PRKN: variants seen among roughly 807,000 people sequenced by gnomAD.
PRKN encodes parkin RBR E3 ubiquitin protein ligase.
In PRKN, 56 loss-of-function variants were observed where a neutral mutation model predicts 59.5. That is an observed-to-expected ratio of 0.94 (90% CI 0.76 to 1.18). PRKN has a LOEUF of 1.18. Ranked by LOEUF, PRKN falls within the 50% of genes most tolerant of loss-of-function variation. The probability of loss-of-function intolerance (pLI) is 0.00; values close to 1 mark genes in which losing one functional copy is unlikely to be tolerated. For missense variants in PRKN, 657 were observed against 596.4 expected (o/e 1.10, Z -1.06); for synonymous variants, 250 against 222.1 (o/e 1.13, Z -1.12).
chr6:162,168,119 T>G (rs1314629695), intron 4 of PRKN, among the ~76,000 whole-genome samples: 1 of 152,162 alleles, frequency 6.6e-6, no homozygotes, highest in Non-Finnish European at 1.5e-5. Context: ...ATAAGTCAAA[T>G]TATAGTACCA....
chr6:161,737,911 C>T lies in PRKN; in HGVS notation c.871+47861G>A, dbSNP rs16892979. 9.8e-3 allele frequency among the ~76,000 whole-genome samples: 1,492 copies of T among 152,276 alleles called. 26 individuals are homozygous for T. Among genetic ancestry groups the T allele is most frequent in the African/African-American group, 0.032 (1,347 of 41,534 alleles). On this transcript the variant is annotated intron_variant, in intron 7 of 11. Coordinates refer to ENST00000366898, the MANE Select transcript of PRKN (RefSeq NM_004562.3). ...ATCCAGCGTATCACATATTACATCC[C>T]GTTTAACTCACTGAACCACTATTAC...
At chr6:162,012,170 A>C (rs1782753516) in intron 5 of PRKN, among the ~76,000 whole-genome samples, 1 of 152,232 alleles carries the variant, frequency 6.6e-6, no homozygotes, top group South Asian at 2.1e-4. Context: ...GCCAAAGCCC[A>C]TATTTGATTT....
At position 161,968,187 on chromosome 6, in the gene PRKN, ATTTTT is replaced by A. The variant is rs530441181; in HGVS notation, c.734+5110_734+5114del. On this transcript the variant is annotated intron_variant, in intron 6 of 11. Transcript: ENST00000366898. ...AGGCGCGCGCCACCATGCCTGGCTA[ATTTTT>A]TTTTTTTTTTTTTTTTTGTATTATT... Among the ~76,000 whole-genome samples the A allele has an allele frequency of 3.5e-3, 453 of 127,944 alleles. 1 individual carries two copies. The highest frequency in any genetic ancestry group is 4.3e-3 in the African/African-American group (142 of 33,382). 83.9% of individuals were successfully genotyped at this position (127,944 alleles called of 152,430 possible).
intron 5 of PRKN, among the ~76,000 whole-genome samples, chr6:162,046,706 G>A (rs1784263206): frequency 6.6e-6 from 1 of 152,130 alleles, no homozygotes. Context: ...AAAGAGCCCT[G>A]ATGAAAAAGA....
intron 1 of PRKN, among the ~76,000 whole-genome samples, chr6:162,633,931 A>T (rs1024377467): frequency 1.3e-5 from 2 of 152,182 alleles, no homozygotes; most frequent in Non-Finnish European, 2.9e-5. Flanking sequence ...CTTCTAAATA[A>T]TTAGAAGTGG....
chr6:161,896,658 T>C (rs890556622), intron 6 of PRKN, among the ~76,000 whole-genome samples: 5 of 152,170 alleles, frequency 3.3e-5, no homozygotes, highest in Admixed American at 6.5e-5. Context: ...GGGGAGGTGA[T>C]GTATGCTTAT....
chr6:162,165,599 C>T (rs886184798), intron 4 of PRKN, among the ~76,000 whole-genome samples: 1 of 149,594 alleles, frequency 6.7e-6, no homozygotes, highest in Non-Finnish European at 1.5e-5. Context: ...TGCCAGTGCA[C>T]AGGCACCAGA....
intron 7 of PRKN, among the ~76,000 whole-genome samples, chr6:161,757,835 C>T (rs1409562859): frequency 1.4e-5 from 1 of 70,830 alleles, no homozygotes; most frequent in African/African-American, 7.6e-5. Context: ...AAAACTCCAT[C>T]TCTCTCTCTC....
intron 6 of PRKN, among the ~76,000 whole-genome samples, chr6:161,787,072 T>C (rs1017941016): frequency 1.3e-5 from 2 of 152,202 alleles, no homozygotes; most frequent in African/African-American, 4.8e-5. Context: ...CTATTTCCTA[T>C]GTAATTGTAA....
At chr6:161,816,201 C>T (rs1791773151) in intron 6 of PRKN, among the ~76,000 whole-genome samples, 1 of 152,106 alleles carries the variant, frequency 6.6e-6, no homozygotes, top group Non-Finnish European at 1.5e-5. Context: ...ACATATGCAG[C>T]AGCATGCGTG....
At chr6:161,504,719 C>T (rs1341538021) in intron 9 of PRKN, among the ~76,000 whole-genome samples, 1 of 145,298 alleles carries the variant, frequency 6.9e-6, no homozygotes, top group Non-Finnish European at 1.5e-5. Flanking sequence ...GTTCCCCCTC[C>T]TGTGTCCATG....
At chr6:161,455,359 C>G (rs1002020342) in intron 9 of PRKN, among the ~76,000 whole-genome samples, 1 of 152,182 alleles carries the variant, frequency 6.6e-6, no homozygotes, top group Middle Eastern at 3.4e-3. Context: ...TTCTAAACAC[C>G]CAGCACAATG....
chr6:162,688,226 A>G (rs1319808615), intron 1 of PRKN, among the ~76,000 whole-genome samples: 6 of 152,228 alleles, frequency 3.9e-5, no homozygotes. Context: ...TTCCATCTAT[A>G]TAACGTTCAA....
Position 162,390,396 on chromosome 6 carries a change from T to TATATATATATATATATATACAC in PRKN, c.171+52913_171+52914insGTGTATATATATATATATATAT, listed in dbSNP as rs1180636201. ...TAAGGTATATATATATATATATATA[T>TATATATATATATATATATACAC]ACACACACACACACACACACACACA... is the stretch of plus-strand genomic sequence containing the variant. On this transcript the variant is annotated intron_variant, in intron 2 of 11. Coordinates refer to ENST00000366898, the MANE Select transcript of PRKN (RefSeq NM_004562.3). Among the ~76,000 whole-genome samples the TATATATATATATATATATACAC allele has an allele frequency of 3.2e-3, 271 of 83,952 alleles. 1 individual carries two copies. Among genetic ancestry groups the TATATATATATATATATATACAC allele is most frequent in the Non-Finnish European group, 3.7e-3 (155 of 41,404 alleles). The allele number at this position is 83,952 out of a possible 152,430, so 55.1% of individuals were successfully genotyped here.
intron 4 of PRKN, among the ~76,000 whole-genome samples, chr6:162,183,445 A>G (rs1249282649): frequency 6.6e-6 from 1 of 152,116 alleles, no homozygotes; most frequent in Non-Finnish European, 1.5e-5. Context: ...AAGGTGAAGG[A>G]GATGTCCTTG....
At position 161,792,336 on chromosome 6, in the gene PRKN, A is replaced by G. The variant is rs376592093; in HGVS notation, c.735-6428T>C. ...AGACCAGAAAAGAATTCATGAATGT[A>G]GGGGCATTTGAAAAACGGTCAGGAT... On this transcript the variant is annotated intron_variant, in intron 6 of 11. Coordinates refer to ENST00000366898, the MANE Select transcript of PRKN (RefSeq NM_004562.3). Among the ~76,000 whole-genome samples, 24 of 152,338 alleles carry G rather than the reference A, an allele frequency of 1.6e-4. No individual in the cohort carries two copies. In the East Asian group the frequency reaches 4.0e-3, roughly 26 times the overall value.
chr6:162,547,895 A>C (rs1164368592), intron 1 of PRKN, among the ~76,000 whole-genome samples: 1 of 150,134 alleles, frequency 6.7e-6, no homozygotes, highest in Admixed American at 6.6e-5. Flanking sequence ...AGTTATTAAC[A>C]GGGCCAAGAT....
chr6:161,864,096 T>C (rs180881055), intron 6 of PRKN, among the ~76,000 whole-genome samples: 42 of 152,262 alleles, frequency 2.8e-4, no homozygotes, highest in African/African-American at 9.4e-4. Context: ...TTCCATACAA[T>C]AAAACGAAGA....
intron 6 of PRKN, among the ~76,000 whole-genome samples, chr6:161,907,535 A>G (rs1431313241): frequency 6.6e-6 from 1 of 152,148 alleles, no homozygotes; most frequent in East Asian, 1.9e-4. Flanking sequence ...TGTCTTATTT[A>G]TGTTCAAGTT....
Sources: allele counts gnomAD v4.1 joint callset (sites outside exome capture counted in the v4.1 genomes callset), GRCh38; gene constraint gnomAD v4.1.1; transcripts MANE v1.5; gene names NCBI Gene and HGNC (gene_info 2026-07-23, HGNC 2026-07-21).